TRDN: variants seen among roughly 807,000 people sequenced by gnomAD.
TRDN encodes the protein triadin in skeletal muscle.
In TRDN, 161 loss-of-function variants were observed where a neutral mutation model predicts 149.7. The observed-to-expected ratio is 1.08, with a 90% CI of 0.95 to 1.23. TRDN has a LOEUF of 1.23. Ranked by LOEUF, TRDN falls within the 50% of genes most tolerant of loss-of-function variation. The pLI is 0.00. For missense variants in TRDN, 896 were observed against 823.5 expected, an observed-to-expected ratio of 1.09 and a Z score of -1.08; for synonymous variants, 294 against 250.5, an observed-to-expected ratio of 1.17 and a Z score of -1.64.
At chr6:123,588,321 A>G (rs1783609134) in intron 1 of TRDN, among the ~76,000 whole-genome samples, 1 of 152,180 alleles carries the variant, frequency 6.6e-6, no homozygotes, top group African/African-American at 2.4e-5. Context: ...TCTTATTGCT[A>G]CAAAGAGTCT....
intron 5 of TRDN, among the ~76,000 whole-genome samples, chr6:123,523,891 T>A (rs1779810434): frequency 6.6e-6 from 1 of 152,030 alleles, no homozygotes; most frequent in African/African-American, 2.4e-5. Context: ...CTTAAAGGCA[T>A]CCAGTTACTC....
chr6:123,636,625 G>T, intron 1 of TRDN, 129 bp downstream of exon 1: 1 of 1,055,468 alleles, frequency 9.5e-7, no homozygotes, highest in Non-Finnish European at 1.4e-6. Flanking sequence ...CTCAGATCCT[G>T]TATAGAATCA....
At chr6:123,245,325 C>T (rs941391493) in intron 38 of TRDN, among the ~76,000 whole-genome samples, 10 of 152,006 alleles carry the variant, frequency 6.6e-5, no homozygotes, top group African/African-American at 2.4e-4. Flanking sequence ...CAAGACTCAT[C>T]AGTGTGCTGT....
intron 1 of TRDN, among the ~76,000 whole-genome samples, chr6:123,583,724 A>C (rs111382686): frequency 0.12 from 18,513 of 151,608 alleles, 1,214 homozygotes; most frequent in African/African-American, 0.17. Context: ...GTAGGAAAGG[A>C]CTCTACCTAT....
intron 10 of TRDN, among the ~76,000 whole-genome samples, chr6:123,461,506 T>G (rs746707129): frequency 3.9e-5 from 6 of 152,060 alleles, no homozygotes; most frequent in Non-Finnish European, 7.4e-5. Context: ...AACAGAGGAG[T>G]CCTGGTAATT....
Position 123,619,338 on chromosome 6 carries a change from A to G in TRDN, c.22+17416T>C, listed in dbSNP as rs1295236364. Among the ~76,000 whole-genome samples, 6 of 152,294 alleles carry G rather than the reference A, an allele frequency of 3.9e-5. No homozygotes were observed. The South Asian group carries it at 6.2e-4, about 16-fold the overall frequency. ...CTGGGGACTAGAGGATCCATTATCA[A>G]GATGACTCATTCACATTGCTGGAAA... On this transcript the variant is annotated intron_variant, in intron 1 of 40. Coordinates refer to ENST00000334268, the MANE Select transcript of TRDN (RefSeq NM_006073.4).
At chr6:123,274,891 C>T (rs1458297262) in intron 26 of TRDN, among the ~76,000 whole-genome samples, 1 of 151,988 alleles carries the variant, frequency 6.6e-6, no homozygotes, top group Non-Finnish European at 1.5e-5. Flanking sequence ...ACCAGTTTTA[C>T]ACTGGTTTGC....
chr6:123,523,422 T>C (rs1779785476), intron 5 of TRDN, among the ~76,000 whole-genome samples: 1 of 152,010 alleles, frequency 6.6e-6, no homozygotes, highest in African/African-American at 2.4e-5. Flanking sequence ...AGGGAAGACA[T>C]GATAAACTAC....
chr6:123,514,631 A>AACACACACACACACAC (rs60716520), intron 6 of TRDN, among the ~76,000 whole-genome samples: 68 of 147,586 alleles, frequency 4.6e-4, no homozygotes, highest in African/African-American at 1.7e-3. Context: ...ACATACCCAA[A>AACACACACACACACAC]ACACACACAC....
chr6:123,480,615 A>G (rs1418640044), intron 9 of TRDN, among the ~76,000 whole-genome samples: 1 of 152,106 alleles, frequency 6.6e-6, no homozygotes, highest in African/African-American at 2.4e-5. Flanking sequence ...ACTCACTAAA[A>G]GACTGAAAAT....
At position 123,221,383 on chromosome 6, in the gene TRDN, T is replaced by A. The variant is rs1204057701; in HGVS notation, c.2050+104A>T. The A allele has an allele frequency of 5.9e-6, 4 of 683,290 alleles. No individual in the cohort carries two copies. The African/African-American group carries it at 7.6e-5, about 13-fold the overall frequency. The allele number at this position is 683,290 out of a possible 1,614,324, so 42.3% of individuals were successfully genotyped here. A position where few individuals can be genotyped will look rare whatever the true frequency, so the allele number is the denominator to read the frequency against. On this transcript the variant is annotated intron_variant, in intron 40 of 40. Coordinates refer to ENST00000334268, the MANE Select transcript of TRDN (RefSeq NM_006073.4). ...TATTCTTCATGTCTATGCTAAAAAA[T>A]TTTTTCTTCGAATACTGGTCTTAAG... is the stretch of plus-strand genomic sequence containing the variant.
At chr6:123,628,487 C>T (rs1251981941) in intron 1 of TRDN, among the ~76,000 whole-genome samples, 1 of 151,984 alleles carries the variant, frequency 6.6e-6, no homozygotes, top group African/African-American at 2.4e-5. Context: ...CCGAAACAGA[C>T]ATACCAATAA....
intron 24 of TRDN, among the ~76,000 whole-genome samples, chr6:123,282,408 T>C (rs1367679): frequency 0.18 from 27,633 of 151,854 alleles, 3,167 homozygotes; most frequent in East Asian, 0.54. Context: ...AATAATATCA[T>C]TTAATAATCT....
intron 5 of TRDN, among the ~76,000 whole-genome samples, chr6:123,530,169 C>G (rs1457796657): frequency 6.6e-6 from 1 of 151,866 alleles, no homozygotes; most frequent in Non-Finnish European, 1.5e-5. Context: ...AAAATAAACT[C>G]TGACTTGTTA....
At chr6:123,343,913 G>A (rs918495101) in intron 21 of TRDN, among the ~76,000 whole-genome samples, 3 of 151,968 alleles carry the variant, frequency 2.0e-5, no homozygotes, top group African/African-American at 7.2e-5. Flanking sequence ...ACCTCTGGCA[G>A]ATAATTAGGT....
At chr6:123,498,758 C>G (rs984186896) in intron 8 of TRDN, 3 of 367,220 alleles carry the variant, frequency 8.2e-6, no homozygotes, top group African/African-American at 6.4e-5. Flanking sequence ...TAAGACAAAG[C>G]AAGATGAAAA....
At chr6:123,449,465 A>C (rs887717312) in intron 10 of TRDN, among the ~76,000 whole-genome samples, 5 of 152,174 alleles carry the variant, frequency 3.3e-5, no homozygotes, top group African/African-American at 1.2e-4. Flanking sequence ...TAAAAGAAAG[A>C]AATTCAGAGC....
intron 16 of TRDN, among the ~76,000 whole-genome samples, chr6:123,380,319 C>T (rs1781665294): frequency 2.0e-5 from 3 of 152,164 alleles, no homozygotes; most frequent in Non-Finnish European, 1.5e-5. Flanking sequence ...GGCCTTAAGG[C>T]TATCTCTATA....
intron 35 of TRDN, among the ~76,000 whole-genome samples, chr6:123,258,879 T>C (rs1484600805): frequency 6.6e-6 from 1 of 152,196 alleles, no homozygotes; most frequent in Non-Finnish European, 1.5e-5. Context: ...GGTGTGTGTA[T>C]CCAGAAATTT....
Sources: gnomAD v4.1 joint callset for allele counts (sites outside exome capture counted in the v4.1 genomes callset) on GRCh38, gnomAD v4.1.1 for gene constraint, MANE v1.5 for transcripts, NCBI Gene and HGNC (gene_info 2026-07-23, HGNC 2026-07-21) for gene names.